Variants in IPCEF1 observed in about 807,000 individuals in gnomAD.
IPCEF1 encodes interactor protein for cytohesin exchange factors 1.
Under a neutral mutation model 50.9 loss-of-function variants are expected in IPCEF1, and 31 were observed. The observed-to-expected ratio is 0.61, with a 90% CI of 0.46 to 0.82. The LOEUF (loss-of-function observed/expected upper bound fraction) is 0.82, where lower values mean the gene tolerates loss of function less well. Ranked by LOEUF, IPCEF1 falls within the 40% of genes least tolerant of loss-of-function variation. The pLI is 0.00. For synonymous variants in IPCEF1, 181 were observed against 192.0 expected, an observed-to-expected ratio of 0.94 and a Z score of 0.47; for missense variants, 458 against 514.0, an observed-to-expected ratio of 0.89 and a Z score of 1.05.
intron 10 of IPCEF1, among the ~76,000 whole-genome samples, chr6:154,189,503 G>A (rs892494728): frequency 6.6e-6 from 1 of 151,890 alleles, no homozygotes; most frequent in African/African-American, 2.4e-5. Flanking sequence ...ATAAATAAAG[G>A]ACTTAATAAA....
Position 154,247,471 on chromosome 6 carries a change from C to T in IPCEF1, c.54G>A (p.Gln18=), listed in dbSNP as rs750716045. ...DGSALQVPLR[Q]KPRRKTQGFL... ...TACCTTGAGTTTTCCTCCTGGGCTT[C>T]TGACGCAAGGGAACCTGCTGAAAAT... Residue 18 remains glutamine, a synonymous_variant, in exon 4 of 12, where the codon CAG becomes CAA. Coordinates refer to ENST00000367220, the MANE Select transcript of IPCEF1 (RefSeq NM_001130700.2). 3 of 1,612,354 alleles carry T rather than the reference C, an allele frequency of 1.9e-6. No homozygotes were observed. Among genetic ancestry groups the T allele is most frequent in the African/African-American group, 2.7e-5 (2 of 74,834 alleles).
At chr6:154,243,341 G>A (rs760720558) in intron 5 of IPCEF1, among the ~76,000 whole-genome samples, 5 of 152,184 alleles carry the variant, frequency 3.3e-5, no homozygotes, top group Non-Finnish European at 7.3e-5. Context: ...TGTAGGACTT[G>A]TGTGCCGCGT....
chr6:154,245,745 C>T (rs7755471), intron 5 of IPCEF1, among the ~76,000 whole-genome samples: 3,290 of 152,310 alleles, frequency 0.022, 128 homozygotes, highest in African/African-American at 0.075. Flanking sequence ...GACTCACACT[C>T]TCCTGAGAGC....
At chr6:154,315,824 A>AT (rs137919545) in intron 1 of IPCEF1, among the ~76,000 whole-genome samples, 3,188 of 151,434 alleles carry the variant, frequency 0.021, 60 homozygotes, top group Non-Finnish European at 0.032. Context: ...AAAATGTGCA[A>AT]TTTTTTTTGG....
chr6:154,256,691 A>C (rs1024373123), intron 3 of IPCEF1, among the ~76,000 whole-genome samples: 18 of 152,084 alleles, frequency 1.2e-4, no homozygotes, highest in African/African-American at 4.1e-4. Context: ...CTGCAAAACT[A>C]GTTCTACAAA....
At chr6:154,180,414 A>ATATATATATATTTTT (rs1241250621) in intron 10 of IPCEF1, among the ~76,000 whole-genome samples, 3 of 65,262 alleles carry the variant, frequency 4.6e-5, no homozygotes, top group African/African-American at 1.4e-4. Context: ...ATATATATAT[A>ATATATATATATTTTT]TTTTTTTTTT....
At chr6:154,235,174 A>G (rs948832497) in intron 5 of IPCEF1, among the ~76,000 whole-genome samples, 1 of 152,250 alleles carries the variant, frequency 6.6e-6, no homozygotes, top group African/African-American at 2.4e-5. Context: ...GGAGAAGAAT[A>G]GATAAAGGAG....
chr6:154,264,484 C>T (rs908628202), intron 3 of IPCEF1, among the ~76,000 whole-genome samples: 4 of 151,986 alleles, frequency 2.6e-5, no homozygotes, highest in Admixed American at 2.0e-4. Flanking sequence ...GTGATCCTTT[C>T]GCCTCAGCCT....
rs1359040665 is a variant in IPCEF1 at position 154,319,181 on chromosome 6, A to G, written c.-61-29425T>C. On this transcript the variant is annotated intron_variant, in intron 1 of 11. Transcript: ENST00000367220. Reference sequence around the variant, plus strand: ...TCTTTTCCCTTCCCTCCCCTTACCCAAAAACATGAACTGTTTATAAAATTT... The same window carrying G: ...TCTTTTCCCTTCCCTCCCCTTACCCGAAAACATGAACTGTTTATAAAATTT... Among the ~76,000 whole-genome samples, 3 of 152,190 alleles carry G rather than the reference A, an allele frequency of 2.0e-5. No homozygotes were observed. In the East Asian group the frequency reaches 5.8e-4, roughly 29 times the overall value.
chr6:154,270,294 A>G (rs978110871), intron 2 of IPCEF1, among the ~76,000 whole-genome samples: 5 of 152,234 alleles, frequency 3.3e-5, no homozygotes, highest in African/African-American at 1.2e-4. Context: ...AATCATCATG[A>G]GATATTTGGC....
intron 4 of IPCEF1, 46 bp downstream of exon 4, chr6:154,247,403 C>A: frequency 6.6e-7 from 1 of 1,526,128 alleles, no homozygotes; most frequent in South Asian, 1.1e-5. Flanking sequence ...AAGCCACACT[C>A]AACGTACACA....
chr6:154,167,100 C>T (rs1026643040), intron 11 of IPCEF1, among the ~76,000 whole-genome samples: 4 of 152,166 alleles, frequency 2.6e-5, no homozygotes, highest in Non-Finnish European at 4.4e-5. Flanking sequence ...TGGAAAATGA[C>T]TTAAGTTCTT....
intron 4 of IPCEF1, chr6:154,247,061 AGTAT>A: frequency 2.5e-6 from 1 of 404,740 alleles, no homozygotes; most frequent in Non-Finnish European, 4.4e-6. Context: ...GTCTAAGAAT[AGTAT>A]TCACCAAGAA....
chr6:154,231,581 G>A (rs1250655786), intron 5 of IPCEF1, among the ~76,000 whole-genome samples: 1 of 152,236 alleles, frequency 6.6e-6, no homozygotes, highest in African/African-American at 2.4e-5. Flanking sequence ...GCAATCTCTA[G>A]GACATAGTGA....
chr6:154,295,374 G>A (rs1053518267), intron 1 of IPCEF1, among the ~76,000 whole-genome samples: 1 of 152,172 alleles, frequency 6.6e-6, no homozygotes, highest in African/African-American at 2.4e-5. Context: ...GGCTGCTGTT[G>A]ACTGCTCTGT....
chr6:154,324,992 T>TAAAG (rs1783485258), intron 1 of IPCEF1, among the ~76,000 whole-genome samples: 1 of 152,138 alleles, frequency 6.6e-6, no homozygotes, highest in Non-Finnish European at 1.5e-5. Context: ...CTTTCATGTA[T>TAAAG]AAAGACCTCT....
intron 11 of IPCEF1, among the ~76,000 whole-genome samples, chr6:154,162,474 G>A (rs1214578486): frequency 1.3e-5 from 2 of 152,178 alleles, no homozygotes; most frequent in East Asian, 3.8e-4. Flanking sequence ...TTAAATCAAT[G>A]TTAAACCAAT....
intron 5 of IPCEF1, among the ~76,000 whole-genome samples, chr6:154,228,029 T>A (rs528470777): frequency 1.3e-5 from 2 of 152,162 alleles, no homozygotes; most frequent in East Asian, 3.9e-4. Flanking sequence ...AGAGGGCAAA[T>A]CTTGAGAGAA....
At chr6:154,333,813 G>A (rs1055203825) in intron 1 of IPCEF1, among the ~76,000 whole-genome samples, 3 of 151,670 alleles carry the variant, frequency 2.0e-5, no homozygotes, top group Admixed American at 1.3e-4. Flanking sequence ...ATGTGTGTGT[G>A]TAAATATATA....
Sources: allele counts gnomAD v4.1 joint callset (sites outside exome capture counted in the v4.1 genomes callset), GRCh38; gene constraint gnomAD v4.1.1; transcripts MANE v1.5; gene names NCBI Gene and HGNC (gene_info 2026-07-23, HGNC 2026-07-21).